Variants in ADGRD2 observed in about 807,000 individuals in gnomAD.
ADGRD2 encodes adhesion G protein-coupled receptor D2, also known as G protein-coupled receptor PGR24.
In ADGRD2, 71 loss-of-function variants were observed where a neutral mutation model predicts 44.4. The ratio of observed to expected loss-of-function variants is 1.60; its 90% confidence interval spans 1.32 to 1.95. The LOEUF is 1.95. ADGRD2 is among the 30% of genes most tolerant of loss of function. ADGRD2 has a pLI of 0.00. For missense variants in ADGRD2, 1,039 were observed against 512.4 expected (o/e 2.03, Z -9.92); for synonymous variants, 481 against 224.8 (o/e 2.14, Z -10.19).
At position 124,467,710 on chromosome 9, in the gene ADGRD2, C is replaced by G; in HGVS notation, c.2027-11C>G. On this transcript the variant is annotated splice_polypyrimidine_tract_variant and intron_variant, in intron 11 of 21. Coordinates refer to ENST00000334810, the Ensembl canonical transcript of ADGRD2. The stretch of plus-strand genomic sequence containing the variant: ...GTGGTGCCAGGGGGGTTTCTCTGTC[C>G]CTCCACACAGAGAGGCCCTGAGGAG... 1 of 718,228 alleles carries G rather than the reference C, an allele frequency of 1.4e-6. No individual in the cohort carries two copies. 44.5% of individuals were successfully genotyped at this position (718,228 alleles called of 1,614,324 possible).
Position 124,452,709 on chromosome 9 carries a change from ACCCC to A in ADGRD2, c.270_273del (p.Pro91HisfsTer34). 1 of 713,518 alleles carries A rather than the reference ACCCC, an allele frequency of 1.4e-6. No individual in the cohort carries two copies. The highest frequency in any genetic ancestry group is 2.6e-6 in the Non-Finnish European group (1 of 384,562). The allele number at this position is 713,518 out of a possible 1,614,324, so 44.2% of individuals were successfully genotyped here. On this transcript the variant is annotated frameshift_variant, in exon 2 of 22. Transcript: ENST00000334810. LOFTEE classifies it high-confidence loss of function. ...GCCAAAGAGAGGCCCCTCTGCGGAGACCCCCACAGAGGCGTGAGTGTGGGCCCCT... is the reference window on the plus strand; with the variant it reads ...GCCAAAGAGAGGCCCCTCTGCGGAGACACAGAGGCGTGAGTGTGGGCCCCT...
intron 17 of ADGRD2, among the ~76,000 whole-genome samples, chr9:124,471,098 G>A (rs1427814771): frequency 1.3e-5 from 2 of 152,074 alleles, no homozygotes; most frequent in East Asian, 3.9e-4. Context: ...GGGTCTCTTG[G>A]GGCCTGTGTG....
intron 14 of ADGRD2, 91 bp downstream of exon 17, chr9:124,468,763 T>TCAGCACC: frequency 1.6e-6 from 1 of 644,272 alleles, no homozygotes; most frequent in South Asian, 1.8e-5. Context: ...CACCCAGCAC[T>TCAGCACC]CAGCACCCAG....
In ADGRD2 at chr9:124,454,200, A is replaced by G; in HGVS notation, c.1022+103A>G. ...TGCTGGCAAAGTCTGGGAATTCAGA[A>G]TAAACTCAGAGCTTCAAGGTCTCCA... On this transcript the variant is annotated intron_variant, in intron 4 of 21. Transcript: ENST00000334810. The surrounding 1 kb of genome is among the most constrained non-coding windows in gnomAD (Gnocchi z 4.5). 13 of 601,864 alleles carry G rather than the reference A, an allele frequency of 2.2e-5. No individual in the cohort carries two copies. The highest frequency in any genetic ancestry group is 3.9e-5 in the Non-Finnish European group (13 of 335,098). The allele number at this position is 601,864 out of a possible 1,614,324, so 37.3% of individuals were successfully genotyped here.
chr9:124,474,695 A>C (rs1432066434), intron 17 of ADGRD2, among the ~76,000 whole-genome samples: 1 of 152,190 alleles, frequency 6.6e-6, no homozygotes, highest in East Asian at 1.9e-4. Context: ...ATCCCAGGAC[A>C]GCCTCAGGGC....
chr9:124,477,846 A>T (rs1832076945), intron 21 of ADGRD2, among the ~76,000 whole-genome samples: 1 of 145,552 alleles, frequency 6.9e-6, no homozygotes, highest in Non-Finnish European at 1.5e-5. Flanking sequence ...CTGCAGGAAC[A>T]AGAGAGCGGC....
chr9:124,473,866 G>A (rs1831997109), intron 17 of ADGRD2, among the ~76,000 whole-genome samples: 1 of 152,144 alleles, frequency 6.6e-6, no homozygotes, highest in African/African-American at 2.4e-5. Context: ...TTAAACCAGG[G>A]GAGGGGGCAT....
Position 124,454,402 on chromosome 9 carries a change from G to GT in ADGRD2, c.1023-81dup, listed in dbSNP as rs1302324652. 3.0e-6 allele frequency: 2 copies of GT among 668,274 alleles called. No homozygotes were observed. The highest frequency in any genetic ancestry group is 5.6e-6 in the Non-Finnish European group (2 of 355,642). The allele number at this position is 668,274 out of a possible 1,614,324, so 41.4% of individuals were successfully genotyped here. A position where few individuals can be genotyped will look rare whatever the true frequency, so the allele number is the denominator to read the frequency against. ...CTCTTCCTTCCCTGGGCAGCACGTGGTGGGTGGAGGTCACTGAACAGGCTG... is the reference window on the plus strand; with the variant it reads ...CTCTTCCTTCCCTGGGCAGCACGTGGTTGGGTGGAGGTCACTGAACAGGCTG... On this transcript the variant is annotated intron_variant, in intron 4 of 21. Coordinates refer to ENST00000334810, the Ensembl canonical transcript of ADGRD2. This position sits in a 1 kb window ranked among gnomAD's most constrained non-coding sequence, Gnocchi z 4.5.
In ADGRD2 at chr9:124,471,747, G is replaced by A. The variant is rs865776281; in HGVS notation, c.2758+1133G>A. Among the ~76,000 whole-genome samples, 576 of 152,292 alleles carry A rather than the reference G, an allele frequency of 3.8e-3. 3 individuals are homozygous for A. The highest frequency in any genetic ancestry group is 0.013 in the African/African-American group (533 of 41,574). ...TTCATCCATGTGCTCTTCATGGCTC[G>A]CCCAGTGTGTGCCAGGCACTGTGCT... is the stretch of plus-strand genomic sequence containing the variant. On this transcript the variant is annotated intron_variant, in intron 17 of 21. Transcript: ENST00000334810.
At chr9:124,476,392 T>G (rs897542627) in exon 20 of ADGRD2, 7 of 701,904 alleles carry the variant, frequency 1.0e-5, no homozygotes, top group Non-Finnish European at 1.8e-5. Context: ...AGCATTCTCC[T>G]CCATTGCAAA....
intron 10 of ADGRD2, among the ~76,000 whole-genome samples, chr9:124,461,534 T>A (rs1266196759): frequency 6.6e-6 from 1 of 152,222 alleles, no homozygotes; most frequent in African/African-American, 2.4e-5. Context: ...TTGAAAAGAT[T>A]ATTCTTTGCT....
intron 17 of ADGRD2, among the ~76,000 whole-genome samples, chr9:124,473,415 G>A (rs536270143): frequency 2.3e-4 from 35 of 152,330 alleles, no homozygotes; most frequent in African/African-American, 8.2e-4. Flanking sequence ...CCAGGCCTCC[G>A]TTTCTACGTC....
At chr9:124,450,625 A>C (rs1831449824), upstream of ADGRD2, among the ~76,000 whole-genome samples, 1 of 152,212 alleles carries the variant, frequency 6.6e-6, no homozygotes, top group Admixed American at 6.5e-5. Flanking sequence ...CAAACTTCGC[A>C]TCTCCCTCTC....
Position 124,476,725 on chromosome 9 carries a change from C to T in ADGRD2, c.*18+16C>T. 1.4e-6 allele frequency: 1 copy of T among 699,618 alleles called. No homozygotes were observed. The highest frequency in any genetic ancestry group is 2.7e-5 in the East Asian group (1 of 37,208). 43.3% of individuals were successfully genotyped at this position (699,618 alleles called of 1,614,324 possible). ...AAAGCTTCAGGTACAGTCCCCACCTCACGGGGTCCCCTCTTTTCTTTTTGG... is the reference window on the plus strand; with the variant it reads ...AAAGCTTCAGGTACAGTCCCCACCTTACGGGGTCCCCTCTTTTCTTTTTGG... On this transcript the variant is annotated intron_variant, in intron 21 of 21. Transcript: ENST00000334810.
intron 10 of ADGRD2, among the ~76,000 whole-genome samples, chr9:124,463,674 C>T (rs1031287449): frequency 1.3e-5 from 2 of 152,236 alleles, no homozygotes; most frequent in South Asian, 2.1e-4. Flanking sequence ...TGGTAATTTG[C>T]GCCTTTCAAA....
intron 21 of ADGRD2, 26 bp downstream of exon 24, chr9:124,476,735 C>T (rs937516084): frequency 4.3e-6 from 3 of 695,972 alleles, no homozygotes; most frequent in Non-Finnish European, 5.2e-6. Context: ...CACGGGGTCC[C>T]CTCTTTTCTT....
rs762865891 is a variant in ADGRD2, at chr9:124,467,353, A to C, written c.2027-368A>C. 699 of 179,982 alleles carry C rather than the reference A, an allele frequency of 3.9e-3. 6 individuals carry two copies. Among genetic ancestry groups the C allele is most frequent in the African/African-American group, 0.014 (602 of 42,152 alleles). The allele number at this position is 179,982 out of a possible 1,614,324, so 11.1% of individuals were successfully genotyped here. A position where few individuals can be genotyped will look rare whatever the true frequency, so the allele number is the denominator to read the frequency against. ...GTCTTGAAGCAACAAAAAAAAAAAA[A>C]AAAAAAAAAAAGTCAGAGCGTGGAC... On this transcript the variant is annotated intron_variant, in intron 11 of 21. Coordinates refer to ENST00000334810, the Ensembl canonical transcript of ADGRD2.
At chr9:124,460,099 C>G (rs1831698947) in intron 10 of ADGRD2, among the ~76,000 whole-genome samples, 1 of 151,950 alleles carries the variant, frequency 6.6e-6, no homozygotes, top group Non-Finnish European at 1.5e-5. Flanking sequence ...CACACACACA[C>G]ACACACACAC....
intron 10 of ADGRD2, 64 bp from the exon 14 acceptor site, chr9:124,466,194 T>C: frequency 1.9e-6 from 1 of 532,246 alleles, no homozygotes; most frequent in Middle Eastern, 4.9e-4. Flanking sequence ...GGCCCCAGGC[T>C]CTGGGGAAAG....
Sources: allele counts gnomAD v4.1 joint callset (sites outside exome capture counted in the v4.1 genomes callset), GRCh38; gene constraint gnomAD v4.1.1; non-coding constraint Gnocchi (gnomAD v3.1); transcripts MANE v1.5; gene names NCBI Gene and HGNC (gene_info 2026-07-23, HGNC 2026-07-21).